The following GLI3 variants were observed in gnomAD, a reference collection of about 807,000 sequenced individuals.
GLI3 encodes the protein transcription activator GLI3.
GLI3 carries 20 observed loss-of-function variants against 100.8 expected under a neutral mutation model. The ratio of observed to expected loss-of-function variants is 0.20; its 90% confidence interval spans 0.14 to 0.29. GLI3 has a LOEUF of 0.29. Among genes scored for constraint, GLI3 ranks in the 10% least tolerant of loss-of-function variants. GLI3 has a pLI of 1.00. For synonymous variants in GLI3, 938 were observed against 860.5 expected (o/e 1.09, Z -1.58); for missense variants, 2,040 against 2,128.5 (o/e 0.96, Z 0.82).
At chr7:41,999,537 T>G (rs1405881386) in intron 10 of GLI3, among the ~76,000 whole-genome samples, 1 of 152,046 alleles carries the variant, frequency 6.6e-6, no homozygotes, top group Non-Finnish European at 1.5e-5. Flanking sequence ...CATCCACTCC[T>G]CTTTTACACC....
intron 1 of GLI3, among the ~76,000 whole-genome samples, chr7:42,243,227 T>G (rs527715286): frequency 6.6e-5 from 10 of 152,236 alleles, no homozygotes; most frequent in Non-Finnish European, 1.3e-4. Flanking sequence ...AAGATTCCAA[T>G]AGCGTGGAGC....
rs550216313 is a variant in GLI3, at chr7:42,104,141, T to C, written c.368-27284A>G. 3.9e-5 allele frequency among the ~76,000 whole-genome samples: 6 copies of C among 152,284 alleles called. No individual in the cohort carries two copies. In the East Asian group the frequency reaches 1.2e-3, roughly 29 times the overall value. ...ATGAAAGCATTGAAAAATAAAATGGTGCCAGACAGTTAGGCCAGTAGTTAG... is the reference window on the plus strand; with the variant it reads ...ATGAAAGCATTGAAAAATAAAATGGCGCCAGACAGTTAGGCCAGTAGTTAG... On this transcript the variant is annotated intron_variant, in intron 3 of 14. Coordinates refer to ENST00000395925, the MANE Select transcript of GLI3 (RefSeq NM_000168.6).
At chr7:42,166,809 G>A (rs1379929672) in intron 2 of GLI3, among the ~76,000 whole-genome samples, 2 of 150,818 alleles carry the variant, frequency 1.3e-5, no homozygotes, top group Admixed American at 6.6e-5. Context: ...ACAGGTACAC[G>A]CCACCATGAC....
chr7:42,132,092 TATTTATTC>T (rs1786291301), intron 3 of GLI3, among the ~76,000 whole-genome samples: 1 of 151,870 alleles, frequency 6.6e-6, no homozygotes, highest in African/African-American at 2.4e-5. Context: ...TTTATTTATT[TATTTATTC>T]ATTTATTTAT....
chr7:42,066,741 T>C (rs1240976004), intron 4 of GLI3, among the ~76,000 whole-genome samples: 6 of 152,236 alleles, frequency 3.9e-5, no homozygotes, highest in African/African-American at 1.4e-4. Context: ...GCACCTCTGC[T>C]CACAGCTCCA....
In GLI3 at chr7:41,965,599, C is replaced by T; in HGVS notation, c.3474G>A (p.Leu1158=). ...QPCPEGSKTD[L]PIQWNEVSSG... is the part of the protein sequence containing the mutation. ...AGCTGACTTCGTTCCACTGAATGGG[C>T]AGGTCGGTTTTGCTGCCCTCGGGGC... Residue 1158 remains leucine, a synonymous_variant, in exon 15 of 15, where the codon CTG becomes CTA. Transcript: ENST00000395925. The T allele has an allele frequency of 6.2e-7, 1 of 1,607,200 alleles. No homozygotes were observed. The highest frequency in any genetic ancestry group is 1.1e-5 in the South Asian group (1 of 90,924).
chr7:42,223,376 A>G, intron 1 of GLI3, 81 bp from the exon 2 acceptor site: 1 of 777,412 alleles, frequency 1.3e-6, no homozygotes, highest in Non-Finnish European at 2.1e-6. Flanking sequence ...TTCACCTGTC[A>G]TCTGAGAAAA....
intron 3 of GLI3, among the ~76,000 whole-genome samples, chr7:42,089,144 T>A (rs1220333903): frequency 1.3e-5 from 2 of 152,190 alleles, no homozygotes; most frequent in Non-Finnish European, 1.5e-5. Context: ...TCTGCATCTA[T>A]ACCTTGTACG....
chr7:42,194,759 C>CTTTTTTTTT (rs61524545), intron 2 of GLI3, among the ~76,000 whole-genome samples: 10,897 of 107,622 alleles, frequency 0.1, 834 homozygotes, highest in Non-Finnish European at 0.12. Context: ...CTCTCTGTCT[C>CTTTTTTTTT]TTTTTTTTTT....
chr7:42,220,919 A>G (rs1183548760), intron 2 of GLI3, among the ~76,000 whole-genome samples: 2 of 152,248 alleles, frequency 1.3e-5, no homozygotes, highest in Non-Finnish European at 2.9e-5. Flanking sequence ...TAGGACAGCT[A>G]TCACTCAGGC....
chr7:42,217,137 G>C (rs73096346), intron 2 of GLI3, among the ~76,000 whole-genome samples: 142 of 152,278 alleles, frequency 9.3e-4, no homozygotes, highest in Middle Eastern at 3.4e-3. Flanking sequence ...TGAGGTGTGA[G>C]GGTTTTCACC....
Position 42,048,671 on chromosome 7 carries a change from T to C in GLI3, c.499A>G (p.Thr167Ala), listed in dbSNP as rs1281683397. The C allele has an allele frequency of 5.0e-6, 8 of 1,609,188 alleles. No homozygotes were observed. The highest frequency in any genetic ancestry group is 2.7e-5 in the African/African-American group (2 of 73,166). ...HMTSALSSSPTYPDLPFIRIS... is the reference protein window; with the variant it reads ...HMTSALSSSPAYPDLPFIRIS... ...CTAATGAAGGGCAGGTCCGGATACG[T>C]AGGGCTACTAGATAAGGCGGAAGTC... The change falls in exon 5 of 15, where the codon ACG becomes GCG. Residue 167 changes from threonine to alanine, a missense_variant. Thr to Ala is a moderately conservative substitution (Grantham distance 58, BLOSUM62 0). Around this residue, in one of 5 missense-constraint regions of GLI3, gnomAD observed 603 missense variants for 690.9 expected, o/e 0.87. Coordinates refer to ENST00000395925, the MANE Select transcript of GLI3 (RefSeq NM_000168.6).
At chr7:42,251,673 A>T (rs540342515) in intron 1 of GLI3, among the ~76,000 whole-genome samples, 1 of 152,082 alleles carries the variant, frequency 6.6e-6, no homozygotes, top group Non-Finnish European at 1.5e-5. Flanking sequence ...CTGGATGTTT[A>T]TGTGTATGGC....
At chr7:42,101,618 T>A (rs568203779) in intron 3 of GLI3, among the ~76,000 whole-genome samples, 27 of 150,850 alleles carry the variant, frequency 1.8e-4, no homozygotes, top group Admixed American at 1.4e-3. Context: ...TTTTTTTTTT[T>A]AAATGTATAA....
At chr7:42,010,767 T>C (rs149690795) in intron 10 of GLI3, among the ~76,000 whole-genome samples, 218 of 152,318 alleles carry the variant, frequency 1.4e-3, no homozygotes, top group African/African-American at 5.0e-3. Context: ...TAAAACAATA[T>C]GATTTGTGTA....
chr7:42,103,465 T>TAA (rs35456086), intron 3 of GLI3, among the ~76,000 whole-genome samples: 173 of 149,554 alleles, frequency 1.2e-3, no homozygotes, highest in African/African-American at 3.2e-3. Flanking sequence ...TGTATCTTAT[T>TAA]AAAAAAAAAA....
intron 3 of GLI3, among the ~76,000 whole-genome samples, chr7:42,116,847 A>G (rs1785872262): frequency 8.0e-6 from 1 of 125,600 alleles, no homozygotes; most frequent in Non-Finnish European, 1.6e-5. Flanking sequence ...ACCTCTTATT[A>G]TGGTCTCATA....
chr7:42,168,064 A>C (rs10257627), intron 2 of GLI3, among the ~76,000 whole-genome samples: 2 of 152,360 alleles, frequency 1.3e-5, no homozygotes, highest in East Asian at 3.9e-4. Flanking sequence ...AAAGCCTTCC[A>C]TTTACTAGAG....
At chr7:42,206,737 G>C (rs1562786090) in intron 2 of GLI3, among the ~76,000 whole-genome samples, 1 of 152,038 alleles carries the variant, frequency 6.6e-6, no homozygotes, top group Non-Finnish European at 1.5e-5. Flanking sequence ...TACAACAAAA[G>C]AATAGACAGG....
Sources: gnomAD v4.1 joint callset for allele counts (sites outside exome capture counted in the v4.1 genomes callset) on GRCh38, gnomAD v4.1.1 for gene constraint, gnomAD v4.1.1 regional missense constraint, MANE v1.5 for transcripts, NCBI Gene and HGNC (gene_info 2026-07-23, HGNC 2026-07-21) for gene names.